NPLOC4: variants seen among roughly 807,000 people sequenced by gnomAD.
NPLOC4 encodes the protein nuclear protein localization protein 4 homolog.
A neutral mutation model predicts 80.6 loss-of-function variants in NPLOC4; 18 were observed. That is an observed-to-expected ratio of 0.22 (90% CI 0.15 to 0.33). The LOEUF (loss-of-function observed/expected upper bound fraction) is 0.33. Ranked by LOEUF, NPLOC4 falls within the 10% of genes least tolerant of loss-of-function variation. NPLOC4 has a pLI of 1.00. For synonymous variants in NPLOC4, 313 were observed against 301.5 expected (o/e 1.04, Z -0.39); for missense variants, 540 against 786.1 (o/e 0.69, Z 3.74).
intron 11 of NPLOC4, among the ~76,000 whole-genome samples, chr17:81,590,836 T>A (rs960214457): frequency 6.6e-6 from 1 of 152,136 alleles, no homozygotes; most frequent in African/African-American, 2.4e-5. Flanking sequence ...CTGGCCGCCA[T>A]GAAGCTCTCA....
intron 11 of NPLOC4, among the ~76,000 whole-genome samples, chr17:81,590,211 G>C (rs144220765): frequency 3.8e-4 from 58 of 152,302 alleles, no homozygotes; most frequent in Middle Eastern, 3.4e-3. Context: ...GGCAGACCTG[G>C]GAGCCCAGCT....
chr17:81,628,884 C>CTTTT lies in NPLOC4; in HGVS notation c.96+837_96+840dup, dbSNP rs34905643. Among the ~76,000 whole-genome samples, 93 of 145,370 alleles carry CTTTT rather than the reference C, an allele frequency of 6.4e-4. 2 individuals are homozygous for CTTTT. The South Asian group carries it at 0.013, about 20-fold the overall frequency. On this transcript the variant is annotated intron_variant, in intron 2 of 16. Coordinates refer to ENST00000331134, the MANE Select transcript of NPLOC4 (RefSeq NM_017921.4). ...ACTGTAGTCATATCTACAATTCATA[C>CTTTT]TTTTTTTTTTTTTTGAGACAGTCTC... is the stretch of plus-strand genomic sequence containing the variant.
At chr17:81,631,474 A>C (rs1198077803) in intron 1 of NPLOC4, among the ~76,000 whole-genome samples, 1 of 126,716 alleles carries the variant, frequency 7.9e-6, no homozygotes, top group Non-Finnish European at 1.7e-5. Flanking sequence ...CCCCACGGCA[A>C]GCCTAAAAAG....
intron 3 of NPLOC4, among the ~76,000 whole-genome samples, chr17:81,615,227 G>A (rs967915173): frequency 3.3e-5 from 5 of 150,854 alleles, no homozygotes; most frequent in Non-Finnish European, 7.4e-5. Context: ...AGCCTCCCAA[G>A]TAGCTGGGAT....
chr17:81,634,252 C>T (rs1309750257), intron 1 of NPLOC4, among the ~76,000 whole-genome samples: 17 of 152,146 alleles, frequency 1.1e-4, no homozygotes, highest in Admixed American at 9.8e-4. Context: ...TCACCTGCCT[C>T]GGCCTCTCAA....
At chr17:81,611,194 C>A (rs1274216563) in intron 4 of NPLOC4, among the ~76,000 whole-genome samples, 1 of 151,946 alleles carries the variant, frequency 6.6e-6, no homozygotes, top group Non-Finnish European at 1.5e-5. Flanking sequence ...GTGGCAAGCA[C>A]CTGTAATGCC....
chr17:81,587,391 T>C (rs539517113), intron 12 of NPLOC4, among the ~76,000 whole-genome samples: 172 of 150,508 alleles, frequency 1.1e-3, no homozygotes, highest in African/African-American at 4.0e-3. Flanking sequence ...TCTTGGCTCA[T>C]TGCAAGCTCT....
chr17:81,571,848 C>G (rs888864887), intron 13 of NPLOC4, among the ~76,000 whole-genome samples, 169 bp downstream of exon 13: 3 of 152,140 alleles, frequency 2.0e-5, no homozygotes, highest in Non-Finnish European at 2.9e-5. Flanking sequence ...ACCGCATGCT[C>G]AGTGATTCTA....
In NPLOC4 at chr17:81,594,295, A is replaced by C. The variant is rs1414653967; in HGVS notation, c.1120+1821T>G. The stretch of plus-strand genomic sequence containing the variant: ...GTCTCAAAAAAAAAAAAAAAAAAAA[A>C]AAAAAAAAACTGACTCAACTAATTC... On this transcript the variant is annotated intron_variant, in intron 11 of 16. Transcript: ENST00000331134. 3.3e-5 allele frequency among the ~76,000 whole-genome samples: 5 copies of C among 150,752 alleles called. No homozygotes were observed. In the South Asian group the frequency reaches 6.3e-4, roughly 19 times the overall value.
intron 16 of NPLOC4, among the ~76,000 whole-genome samples, chr17:81,561,334 G>A (rs2033843235): frequency 6.6e-6 from 1 of 152,186 alleles, no homozygotes; most frequent in African/African-American, 2.4e-5. Flanking sequence ...AACAGGCAGA[G>A]TTATTTTTAA....
At chr17:81,634,769 G>A (rs1339679500) in intron 1 of NPLOC4, among the ~76,000 whole-genome samples, 1 of 151,832 alleles carries the variant, frequency 6.6e-6, no homozygotes, top group East Asian at 2.0e-4. Flanking sequence ...ATTTTTAGTA[G>A]AGACAGGGTT....
rs371360326 is a variant in NPLOC4, at chr17:81,613,349, C to T, written c.355G>A (p.Gly119Arg). Residue 119 changes from glycine (G) to arginine (R), a missense_variant, in exon 4 of 17, where the codon GGG (glycine) becomes AGG (arginine). Gly to Arg is a moderately radical substitution (Grantham distance 125). Coordinates refer to ENST00000331134, the MANE Select transcript of NPLOC4 (RefSeq NM_017921.4). ...GGGTCTCGGCTTCTGTAAATCTTCC[C>T]GTCCTGTTTGCTGAGGTACTGATCA... ...EIDQYLSKQD[G>R]KIYRSRDPQL... is the part of the protein sequence containing the mutation. The T allele has an allele frequency of 8.1e-5, 131 of 1,613,798 alleles. 1 individual carries two copies. The highest frequency in any genetic ancestry group is 1.2e-4 in the African/African-American group (9 of 75,004).
chr17:81,628,341 C>T (rs1220659025), intron 2 of NPLOC4, among the ~76,000 whole-genome samples: 1 of 151,916 alleles, frequency 6.6e-6, no homozygotes, highest in African/African-American at 2.4e-5. Context: ...AGTGAAACCC[C>T]GTCTCTACTA....
At chr17:81,561,124 AT>A (rs1454341964) in intron 16 of NPLOC4, among the ~76,000 whole-genome samples, 2 of 151,796 alleles carry the variant, frequency 1.3e-5, no homozygotes, top group African/African-American at 4.8e-5. Context: ...CACCTGGCTA[AT>A]TTTTTTTATT....
At chr17:81,613,268 C>A (rs367613880) in intron 4 of NPLOC4, 50 bp downstream of exon 4, 5 of 1,497,360 alleles carry the variant, frequency 3.3e-6, no homozygotes, top group Non-Finnish European at 4.5e-6. Flanking sequence ...CCTTTATTCA[C>A]CCATTAAGAT....
chr17:81,602,734 A>T (rs540319600), intron 8 of NPLOC4, among the ~76,000 whole-genome samples: 1 of 151,108 alleles, frequency 6.6e-6, no homozygotes, highest in South Asian at 2.1e-4. Context: ...ATCAAACTTC[A>T]GGAAGTCCAA....
At chr17:81,622,918 G>C (rs2035703875) in intron 2 of NPLOC4, among the ~76,000 whole-genome samples, 1 of 152,066 alleles carries the variant, frequency 6.6e-6, no homozygotes, top group Admixed American at 6.6e-5. Flanking sequence ...TTCCAGGCCA[G>C]GCGTGGTGGC....
chr17:81,559,122 G>A lies in NPLOC4; in HGVS notation c.*137C>T. On this transcript the variant is annotated 3_prime_UTR_variant, in exon 17 of 17. Coordinates refer to ENST00000331134, the MANE Select transcript of NPLOC4 (RefSeq NM_017921.4). ...GTGCTGAGAAGCTTCAGTGGGTCAGGGAGCCCAGGACAGCCAGCCCCTTGT... is the reference window on the plus strand; with the variant it reads ...GTGCTGAGAAGCTTCAGTGGGTCAGAGAGCCCAGGACAGCCAGCCCCTTGT... 3.0e-6 allele frequency: 3 copies of A among 992,506 alleles called. No individual in the cohort carries two copies. The highest frequency in any genetic ancestry group is 1.7e-5 in the South Asian group (1 of 57,266). 61.5% of individuals were successfully genotyped at this position (992,506 alleles called of 1,614,324 possible). A position where few individuals can be genotyped will look rare whatever the true frequency, so the allele number is the denominator to read the frequency against.
At chr17:81,598,541 A>G (rs1046472986) in intron 9 of NPLOC4, among the ~76,000 whole-genome samples, 2 of 152,238 alleles carry the variant, frequency 1.3e-5, no homozygotes, top group African/African-American at 4.8e-5. Context: ...TGCAGACTTC[A>G]CACAGCTGCT....
Sources: allele counts gnomAD v4.1 joint callset (sites outside exome capture counted in the v4.1 genomes callset), GRCh38; gene constraint gnomAD v4.1.1; transcripts MANE v1.5; gene names NCBI Gene and HGNC (gene_info 2026-07-23, HGNC 2026-07-21).